Variants in CNTNAP2 observed in about 807,000 individuals in gnomAD.
CNTNAP2 encodes contactin-associated protein-like 2.
CNTNAP2 carries 98 observed loss-of-function variants against 155.2 expected under a neutral mutation model. The observed-to-expected ratio is 0.63, with a 90% confidence interval of 0.54 to 0.75. CNTNAP2 has a LOEUF of 0.75. Among genes scored for constraint, CNTNAP2 ranks in the 30% least tolerant of loss-of-function variants. The pLI is 0.00. For synonymous variants in CNTNAP2, 651 were observed against 631.2 expected (o/e 1.03, Z -0.47); for missense variants, 1,727 against 1,688.1 (o/e 1.02, Z -0.40).
intron 12 of CNTNAP2, among the ~76,000 whole-genome samples, chr7:147,629,560 G>C (rs1175089830): frequency 6.6e-6 from 1 of 151,800 alleles, no homozygotes; most frequent in African/African-American, 2.4e-5. Flanking sequence ...CATTCTCCAA[G>C]ATAGACCATA....
chr7:146,594,901 C>G (rs1414960463), intron 1 of CNTNAP2, among the ~76,000 whole-genome samples: 1 of 152,002 alleles, frequency 6.6e-6, no homozygotes, highest in Non-Finnish European at 1.5e-5. Flanking sequence ...TGCCTAATTA[C>G]CAACATGACA....
chr7:147,311,243 T>A (rs1400045585), intron 9 of CNTNAP2, among the ~76,000 whole-genome samples: 1 of 152,154 alleles, frequency 6.6e-6, no homozygotes, highest in Non-Finnish European at 1.5e-5. Context: ...TCAGGTACTC[T>A]AAGAAGCAGA....
At chr7:147,230,030 T>C (rs1803641658) in intron 8 of CNTNAP2, among the ~76,000 whole-genome samples, 2 of 152,132 alleles carry the variant, frequency 1.3e-5, no homozygotes, top group African/African-American at 4.8e-5. Context: ...TAAAATGTTG[T>C]TTACAAATTA....
intron 3 of CNTNAP2, among the ~76,000 whole-genome samples, chr7:146,850,202 G>A (rs1002179887): frequency 1.3e-5 from 2 of 152,184 alleles, no homozygotes; most frequent in African/African-American, 4.8e-5. Flanking sequence ...GAAGTCTAGA[G>A]CAAGAGTAGA....
intron 1 of CNTNAP2, among the ~76,000 whole-genome samples, chr7:146,315,098 T>A (rs566423863): frequency 7.2e-5 from 11 of 152,242 alleles, no homozygotes; most frequent in African/African-American, 2.6e-4. Context: ...CTTTATTGCT[T>A]TGTAGGCTCC....
intron 13 of CNTNAP2, among the ~76,000 whole-genome samples, chr7:147,691,492 C>T (rs1458065624): frequency 6.6e-6 from 1 of 152,094 alleles, no homozygotes; most frequent in Admixed American, 6.6e-5. Context: ...ATCTACTCTT[C>T]CTAACTTGAT....
chr7:147,552,434 A>T (rs1296944346), intron 11 of CNTNAP2, among the ~76,000 whole-genome samples: 1 of 151,912 alleles, frequency 6.6e-6, no homozygotes, highest in Non-Finnish European at 1.5e-5. Context: ...GAATCATAGA[A>T]TGACTTTAAA....
rs116921578 is a variant in CNTNAP2 at position 148,080,095 on chromosome 7, T to A, written c.2384-38023T>A. On this transcript the variant is annotated intron_variant, in intron 15 of 23. Transcript: ENST00000361727. Reference sequence around the variant, plus strand: ...GCAAACAGCAACACTCCAGGTTGATTGTGGTTCTGTCAGCTTCATCCTGCA... The same window carrying A: ...GCAAACAGCAACACTCCAGGTTGATAGTGGTTCTGTCAGCTTCATCCTGCA... Among the ~76,000 whole-genome samples, 37 of 152,312 alleles carry A rather than the reference T, an allele frequency of 2.4e-4. 2 individuals are homozygous for A. The East Asian group carries it at 6.7e-3, about 28-fold the overall frequency.
At chr7:148,380,856 C>T (rs1005810710) in intron 21 of CNTNAP2, among the ~76,000 whole-genome samples, 19 of 152,162 alleles carry the variant, frequency 1.2e-4, no homozygotes, top group African/African-American at 4.1e-4. Context: ...CTTCCCTGAC[C>T]GCTTTGTGGG....
At chr7:147,363,100 A>G (rs1796171634) in intron 9 of CNTNAP2, among the ~76,000 whole-genome samples, 2 of 152,176 alleles carry the variant, frequency 1.3e-5, no homozygotes, top group African/African-American at 4.8e-5. Context: ...ATAGCATCCA[A>G]CGGGATGCTA....
In CNTNAP2 at chr7:146,213,822, A is replaced by G. The variant is rs112263826; in HGVS notation, c.97+96849A>G. Reference sequence around the variant, plus strand: ...AATGTCTGAATAAACTAAATTTGGTAAATAAGATGCCATCATTGTTTTTCC... The same window carrying G: ...AATGTCTGAATAAACTAAATTTGGTGAATAAGATGCCATCATTGTTTTTCC... On this transcript the variant is annotated intron_variant, in intron 1 of 23. Transcript: ENST00000361727. 9.0e-3 allele frequency among the ~76,000 whole-genome samples: 1,370 copies of G among 152,326 alleles called. 25 individuals carry two copies. Among genetic ancestry groups the G allele is most frequent in the African/African-American group, 0.03 (1,238 of 41,578 alleles).
intron 21 of CNTNAP2, among the ~76,000 whole-genome samples, chr7:148,358,693 A>G (rs1798564987): frequency 1.3e-5 from 2 of 152,238 alleles, no homozygotes; most frequent in Non-Finnish European, 2.9e-5. Flanking sequence ...CGTAATCAGG[A>G]ATGCATTAGA....
chr7:146,388,205 A>C (rs1246275567), intron 1 of CNTNAP2, among the ~76,000 whole-genome samples: 1 of 151,656 alleles, frequency 6.6e-6, no homozygotes, highest in Non-Finnish European at 1.5e-5. Context: ...CTGAGGCAGG[A>C]GGATCCCTTG....
intron 13 of CNTNAP2, among the ~76,000 whole-genome samples, chr7:147,778,229 AC>A (rs1797616568): frequency 6.6e-6 from 1 of 152,186 alleles, no homozygotes; most frequent in Non-Finnish European, 1.5e-5. Flanking sequence ...TGCTTTATCC[AC>A]TGCTTTCTGA....
chr7:148,249,358 C>T (rs572328401), intron 20 of CNTNAP2, among the ~76,000 whole-genome samples: 1 of 152,276 alleles, frequency 6.6e-6, no homozygotes, highest in Admixed American at 6.5e-5. Context: ...CCCTCATGGG[C>T]CCCTTTTGCT....
chr7:147,195,390 T>G (rs1802769560), intron 8 of CNTNAP2, among the ~76,000 whole-genome samples: 1 of 152,132 alleles, frequency 6.6e-6, no homozygotes, highest in African/African-American at 2.4e-5. Flanking sequence ...CTTAGGATTG[T>G]CTTGGCTCTA....
chr7:146,557,318 G>T (rs1471133158), intron 1 of CNTNAP2, among the ~76,000 whole-genome samples: 1 of 152,134 alleles, frequency 6.6e-6, no homozygotes, highest in Non-Finnish European at 1.5e-5. Context: ...ACCCTCCCAG[G>T]CTGGAGGTGT....
At chr7:146,929,770 G>T (rs1057461387) in intron 3 of CNTNAP2, among the ~76,000 whole-genome samples, 1 of 152,186 alleles carries the variant, frequency 6.6e-6, no homozygotes, top group Non-Finnish European at 1.5e-5. Context: ...GAAAGCCAAG[G>T]CTCGAGAACT....
At chr7:148,295,968 A>G (rs1382187375) in intron 21 of CNTNAP2, among the ~76,000 whole-genome samples, 2 of 152,208 alleles carry the variant, frequency 1.3e-5, no homozygotes, top group Non-Finnish European at 2.9e-5. Flanking sequence ...CCACTGTGAC[A>G]TATATACATG....
Sources: gnomAD v4.1 joint callset for allele counts (sites outside exome capture counted in the v4.1 genomes callset) on GRCh38, gnomAD v4.1.1 for gene constraint, MANE v1.5 for transcripts, NCBI Gene and HGNC (gene_info 2026-07-23, HGNC 2026-07-21) for gene names.